ADAMTSL1: variants seen among roughly 807,000 people sequenced by gnomAD.
ADAMTSL1 encodes ADAMTS-like protein 1.
In ADAMTSL1, 126 loss-of-function variants were observed where a neutral mutation model predicts 201.8. The ratio of observed to expected loss-of-function variants is 0.62; its 90% CI spans 0.54 to 0.72. The LOEUF (loss-of-function observed/expected upper bound fraction) is 0.72, where lower values mean the gene tolerates loss of function less well. ADAMTSL1 is among the 30% of genes least tolerant of loss of function. The pLI is 0.00. For missense variants in ADAMTSL1, 2,679 were observed against 2,277.8 expected (o/e 1.18, Z -3.59); for synonymous variants, 1,121 against 903.4 (o/e 1.24, Z -4.32).
chr9:18,850,272 T>G (rs749066573), intron 23 of ADAMTSL1, among the ~76,000 whole-genome samples: 6 of 152,188 alleles, frequency 3.9e-5, no homozygotes, highest in Non-Finnish European at 8.8e-5. Context: ...TGAATGAGTT[T>G]CATGTCCCTG....
intron 1 of ADAMTSL1, among the ~76,000 whole-genome samples, chr9:18,002,696 T>C (rs1475487319): frequency 6.6e-6 from 1 of 152,062 alleles, no homozygotes; most frequent in African/African-American, 2.4e-5. Context: ...ATTCATATAA[T>C]ACACTCAGTG....
intron 2 of ADAMTSL1, among the ~76,000 whole-genome samples, chr9:18,516,443 G>C (rs1396463558): frequency 6.6e-6 from 1 of 152,222 alleles, no homozygotes; most frequent in Non-Finnish European, 1.5e-5. Flanking sequence ...AATAGCTGCA[G>C]AGCCAGCCAC....
At chr9:17,935,897 G>A (rs147217466) in intron 1 of ADAMTSL1, among the ~76,000 whole-genome samples, 61 of 152,194 alleles carry the variant, frequency 4.0e-4, no homozygotes, top group African/African-American at 5.8e-4. Flanking sequence ...CCTGCTTAAC[G>A]CCCTCCAGTG....
rs546043929 is a variant in ADAMTSL1, at chr9:18,106,874, A to G, written c.88-56988A>G. ...GAATGGGCCTGAGTGTCTAATTACT[A>G]TATAATCAAATAGACTGCATATTGC... On this transcript the variant is annotated intron_variant, in intron 1 of 29. Coordinates refer to the ADAMTSL1 transcript ENST00000680146. Among the ~76,000 whole-genome samples the G allele has an allele frequency of 5.3e-5, 8 of 152,306 alleles. No individual in the cohort carries two copies. In the East Asian group the frequency reaches 7.7e-4, roughly 15 times the overall value.
intron 15 of ADAMTSL1, among the ~76,000 whole-genome samples, chr9:18,742,914 T>C (rs562565215): frequency 9.9e-4 from 150 of 151,992 alleles, no homozygotes; most frequent in Non-Finnish European, 2.0e-3. Context: ...TCTATGATCT[T>C]GACCACCACA....
intron 2 of ADAMTSL1, among the ~76,000 whole-genome samples, chr9:18,522,937 A>C (rs1259577044): frequency 2.0e-5 from 3 of 152,112 alleles, no homozygotes; most frequent in Non-Finnish European, 4.4e-5. Context: ...ATGATTTATA[A>C]TCCTTTGGGT....
At chr9:18,681,614 G>C in intron 11 of ADAMTSL1, 198 bp from the exon 12 acceptor site, 1 of 387,692 alleles carries the variant, frequency 2.6e-6, no homozygotes, top group South Asian at 5.3e-5. Context: ...TTAATTTTCA[G>C]CGAGCTTCAC....
At chr9:18,581,669 A>C (rs566322649) in intron 4 of ADAMTSL1, among the ~76,000 whole-genome samples, 1 of 152,276 alleles carries the variant, frequency 6.6e-6, no homozygotes, top group South Asian at 2.1e-4. Context: ...CTGCTTCCAA[A>C]ATACAATGGT....
At chr9:17,969,082 G>C (rs1164589919) in intron 1 of ADAMTSL1, among the ~76,000 whole-genome samples, 1 of 151,836 alleles carries the variant, frequency 6.6e-6, no homozygotes, top group Non-Finnish European at 1.5e-5. Flanking sequence ...ACATTATTCA[G>C]TACCTAGAAT....
At chr9:18,530,169 A>T (rs139125463) in intron 2 of ADAMTSL1, among the ~76,000 whole-genome samples, 21 of 152,282 alleles carry the variant, frequency 1.4e-4, no homozygotes, top group Admixed American at 4.6e-4. Context: ...TCAGTTGGTG[A>T]TCCTAACTTT....
rs781048744 is a variant in ADAMTSL1 at position 18,905,898 on chromosome 9, G to C, written c.4961+7G>C. On this transcript the variant is annotated splice_region_variant and intron_variant, in intron 27 of 28. Transcript: ENST00000380548. ...AGTGCAGTGCTCTTCCGAGGTAAGAGAAAGCCCTGAATCTCCTTTTCCCAG... is the reference window on the plus strand; with the variant it reads ...AGTGCAGTGCTCTTCCGAGGTAAGACAAAGCCCTGAATCTCCTTTTCCCAG... 4 of 1,595,212 alleles carry C rather than the reference G, an allele frequency of 2.5e-6. No individual in the cohort carries two copies. In the South Asian group the frequency reaches 4.5e-5, roughly 18 times the overall value.
intron 2 of ADAMTSL1, among the ~76,000 whole-genome samples, chr9:18,213,392 G>C (rs1829951689): frequency 6.6e-6 from 1 of 152,116 alleles, no homozygotes; most frequent in Non-Finnish European, 1.5e-5. Context: ...CTGTGTTCCT[G>C]GGTGAGAAGA....
chr9:18,612,529 T>C (rs1388682672), intron 4 of ADAMTSL1, among the ~76,000 whole-genome samples: 3 of 152,066 alleles, frequency 2.0e-5, no homozygotes, highest in East Asian at 3.9e-4. Flanking sequence ...TGAAATACGC[T>C]TAATAAATAT....
rs1322684787 is a variant in ADAMTSL1 at position 18,592,682 on chromosome 9, C to G, written c.474+18416C>G. ...ATTCCTCAGTTTTGTTCTTTTTGCT[C>G]AGGATAGCTTTGGCTATTCTGGGTC... On this transcript the variant is annotated intron_variant, in intron 4 of 28. Coordinates refer to ENST00000380548, the MANE Select transcript of ADAMTSL1 (RefSeq NM_001040272.6). Among the ~76,000 whole-genome samples the G allele has an allele frequency of 2.0e-5, 3 of 152,150 alleles. No individual in the cohort carries two copies. The East Asian group carries it at 5.8e-4, about 29-fold the overall frequency.
chr9:18,304,351 T>A (rs1434644843), intron 2 of ADAMTSL1, among the ~76,000 whole-genome samples: 1 of 151,730 alleles, frequency 6.6e-6, no homozygotes, highest in Non-Finnish European at 1.5e-5. Flanking sequence ...AAAAAAAAAA[T>A]ACTTTTTATA....
chr9:18,683,294 G>A (rs1830628711), intron 12 of ADAMTSL1, among the ~76,000 whole-genome samples: 2 of 147,656 alleles, frequency 1.4e-5, no homozygotes, highest in African/African-American at 2.5e-5. Flanking sequence ...GCGTGATCTC[G>A]GCTCACTGCA....
At chr9:17,984,745 A>C (rs1818854969) in intron 1 of ADAMTSL1, among the ~76,000 whole-genome samples, 1 of 152,126 alleles carries the variant, frequency 6.6e-6, no homozygotes, top group Admixed American at 6.6e-5. Context: ...GATGGCATCC[A>C]GGCATTTTCC....
intron 1 of ADAMTSL1, among the ~76,000 whole-genome samples, chr9:17,978,149 A>G (rs1212799945): frequency 6.6e-6 from 1 of 151,922 alleles, no homozygotes; most frequent in Non-Finnish European, 1.5e-5. Flanking sequence ...ATTTGTATGG[A>G]ATATCTTTTT....
At chr9:18,265,719 CTT>C (rs1012435557) in intron 2 of ADAMTSL1, among the ~76,000 whole-genome samples, 1 of 152,216 alleles carries the variant, frequency 6.6e-6, no homozygotes, top group African/African-American at 2.4e-5. Flanking sequence ...CCAAAAATGT[CTT>C]TTAAAATAAT....
Sources: gnomAD v4.1 joint callset for allele counts (sites outside exome capture counted in the v4.1 genomes callset) on GRCh38, gnomAD v4.1.1 for gene constraint, MANE v1.5 for transcripts, NCBI Gene and HGNC (gene_info 2026-07-23, HGNC 2026-07-21) for gene names.